Variants in MELK observed in about 807,000 individuals in gnomAD.
MELK encodes maternal embryonic leucine zipper kinase.
MELK carries 81 observed loss-of-function variants against 85.0 expected under a neutral mutation model. That is an observed-to-expected ratio of 0.95 (90% CI 0.80 to 1.15). The LOEUF (loss-of-function observed/expected upper bound fraction) is 1.15, where lower values mean the gene tolerates loss of function less well. MELK is among the 50% of genes most tolerant of loss of function. The pLI is 0.00. For synonymous variants in MELK, 252 were observed against 265.0 expected, an observed-to-expected ratio of 0.95 and a Z score of 0.48; for missense variants, 754 against 777.5, an observed-to-expected ratio of 0.97 and a Z score of 0.36.
rs1016502773 is a variant in MELK, at chr9:36,627,981, A to G, written c.667-2318A>G. On this transcript the variant is annotated intron_variant, in intron 8 of 17. Transcript: ENST00000298048. ...CTATGGCACAATCTTGGCTCACTGC[A>G]ACCTCCACCTCCCGGGTTCAAGTGA... Among the ~76,000 whole-genome samples, 8 of 152,004 alleles carry G rather than the reference A, an allele frequency of 5.3e-5. No individual in the cohort carries two copies. In the South Asian group the frequency reaches 1.7e-3, roughly 32 times the overall value.
chr9:36,677,444 T>C lies in MELK; in HGVS notation c.*107T>C. On this transcript the variant is annotated 3_prime_UTR_variant, in exon 18 of 18. Transcript: ENST00000298048. ...AAGTTCATTGGAACTACCAACTTGT[T>C]TCTAAAGAGCTATCTTAAGACCAAT... 1 of 1,038,796 alleles carries C rather than the reference T, an allele frequency of 9.6e-7. No homozygotes were observed. Among genetic ancestry groups the C allele is most frequent in the East Asian group, 2.7e-5 (1 of 36,812 alleles). 64.3% of individuals were successfully genotyped at this position (1,038,796 alleles called of 1,614,324 possible).
intron 8 of MELK, among the ~76,000 whole-genome samples, chr9:36,625,905 AAG>A (rs1554725568): frequency 6.6e-6 from 1 of 152,062 alleles, no homozygotes; most frequent in Non-Finnish European, 1.5e-5. Flanking sequence ...CAAAAAAAAA[AAG>A]AAAAAATTAT....
At chr9:36,668,045 C>T (rs182810092) in intron 14 of MELK, among the ~76,000 whole-genome samples, 38 of 152,266 alleles carry the variant, frequency 2.5e-4, no homozygotes, top group Admixed American at 2.0e-3. Context: ...GCTGGGATTA[C>T]GGGGGTGAGC....
At chr9:36,581,569 G>T in intron 1 of MELK, 75 bp from the exon 2 acceptor site, 1 of 763,656 alleles carries the variant, frequency 1.3e-6, no homozygotes, top group Non-Finnish European at 2.2e-6. Flanking sequence ...GACTTATTTA[G>T]ATTTGCAGTT....
intron 7 of MELK, among the ~76,000 whole-genome samples, chr9:36,604,388 C>T (rs1452178856): frequency 6.9e-6 from 1 of 144,878 alleles, no homozygotes; most frequent in African/African-American, 2.6e-5. Flanking sequence ...AGGCGATTCT[C>T]ATTGGGTTCA....
chr9:36,635,911 C>T (rs1173556794), intron 10 of MELK, among the ~76,000 whole-genome samples: 1 of 151,410 alleles, frequency 6.6e-6, no homozygotes, highest in Non-Finnish European at 1.5e-5. Flanking sequence ...ATTCTCTTGC[C>T]TCAGACTCCC....
At chr9:36,645,752 C>G (rs1830164166) in intron 11 of MELK, among the ~76,000 whole-genome samples, 1 of 152,134 alleles carries the variant, frequency 6.6e-6, no homozygotes, top group African/African-American at 2.4e-5. Context: ...TTTTAGAAAT[C>G]TTCCCAGCTG....
intron 5 of MELK, among the ~76,000 whole-genome samples, chr9:36,595,416 G>A (rs1210077145): frequency 2.0e-5 from 3 of 151,986 alleles, no homozygotes; most frequent in Non-Finnish European, 4.4e-5. Flanking sequence ...GATTACAGGT[G>A]TGATCCACCG....
intron 12 of MELK, among the ~76,000 whole-genome samples, chr9:36,656,038 C>T (rs1831209427): frequency 6.6e-6 from 1 of 152,088 alleles, no homozygotes; most frequent in African/African-American, 2.4e-5. Context: ...ATAAAAACTC[C>T]AAGTACACCC....
intron 10 of MELK, among the ~76,000 whole-genome samples, chr9:36,641,787 A>T (rs932065696): frequency 2.6e-5 from 4 of 151,900 alleles, no homozygotes; most frequent in Non-Finnish European, 4.4e-5. Flanking sequence ...TTGTATTTTT[A>T]GTAGAGACGG....
At chr9:36,628,918 CT>C (rs1389908548) in intron 8 of MELK, among the ~76,000 whole-genome samples, 3 of 140,338 alleles carry the variant, frequency 2.1e-5, no homozygotes, top group Non-Finnish European at 4.5e-5. Context: ...GGCTAGAGTG[CT>C]GCAGTGACAC....
At chr9:36,620,798 C>T (rs1481607930) in intron 8 of MELK, among the ~76,000 whole-genome samples, 1 of 151,774 alleles carries the variant, frequency 6.6e-6, no homozygotes, top group Non-Finnish European at 1.5e-5. Flanking sequence ...ATCCGCCTGC[C>T]TTGGCCTCCT....
Position 36,607,606 on chromosome 9 carries a change from A to G in MELK, c.599A>G (p.Tyr200Cys). Reference protein sequence around the residue: ...ADVWSMGILLYVLMCGFLPFD... With the variant: ...ADVWSMGILLCVLMCGFLPFD... ...GTTTGGAGCATGGGCATACTGTTAT[A>G]TGTTCTTATGTGTGGATTTCTACCA... The change falls in exon 8 of 18, where the codon TAT becomes TGT. Residue 200 changes from tyrosine to cysteine, a missense_variant. Tyr to Cys is a radical substitution (Grantham distance 194). Coordinates refer to ENST00000298048, the MANE Select transcript of MELK (RefSeq NM_014791.4). 8 of 1,612,838 alleles carry G rather than the reference A, an allele frequency of 5.0e-6. No homozygotes were observed. Among genetic ancestry groups the G allele is most frequent in the Non-Finnish European group, 6.8e-6 (8 of 1,179,016 alleles).
At chr9:36,606,536 ATATATAC>A (rs1825537631) in intron 7 of MELK, among the ~76,000 whole-genome samples, 1 of 134,984 alleles carries the variant, frequency 7.4e-6, no homozygotes, top group Non-Finnish European at 1.6e-5. Context: ...ATAATATATA[ATATATAC>A]ATATGTATAG....
chr9:36,582,269 T>G (rs1822332152), intron 2 of MELK, among the ~76,000 whole-genome samples: 1 of 152,182 alleles, frequency 6.6e-6, no homozygotes, highest in South Asian at 2.1e-4. Context: ...CGCCCAGGCT[T>G]CTTTTATTTC....
chr9:36,638,726 A>G (rs1352266595), intron 10 of MELK, among the ~76,000 whole-genome samples: 2 of 152,220 alleles, frequency 1.3e-5, no homozygotes, highest in Non-Finnish European at 2.9e-5. Flanking sequence ...TTTAAGAGTC[A>G]GGCACTATCC....
chr9:36,638,907 G>A (rs568561208), intron 10 of MELK, among the ~76,000 whole-genome samples: 6 of 152,258 alleles, frequency 3.9e-5, no homozygotes, highest in Non-Finnish European at 2.9e-5. Flanking sequence ...GGATTTAAAC[G>A]CACACCGAAG....
intron 8 of MELK, among the ~76,000 whole-genome samples, chr9:36,614,099 CTTT>C (rs112322490): frequency 2.1e-5 from 3 of 139,696 alleles, no homozygotes; most frequent in Admixed American, 7.2e-5. Context: ...TACTAGATGT[CTTT>C]TTTTTTTTTT....
At chr9:36,640,890 T>C (rs912498842) in intron 10 of MELK, among the ~76,000 whole-genome samples, 3 of 152,228 alleles carry the variant, frequency 2.0e-5, no homozygotes, top group Admixed American at 1.3e-4. Context: ...GGGGAAAAAT[T>C]TGTCTTTACT....
Sources: allele counts gnomAD v4.1 joint callset (sites outside exome capture counted in the v4.1 genomes callset), GRCh38; gene constraint gnomAD v4.1.1; transcripts MANE v1.5; gene names NCBI Gene and HGNC (gene_info 2026-07-23, HGNC 2026-07-21).